MMS19: variants seen among roughly 807,000 people sequenced by gnomAD.
MMS19 encodes the protein MMS19 cytosolic iron-sulfur assembly component, also known as MMS19 nucleotide excision repair protein homolog.
MMS19 carries 77 observed loss-of-function variants against 129.8 expected under a neutral mutation model. The ratio of observed to expected loss-of-function variants is 0.59; its 90% CI spans 0.49 to 0.72. MMS19 has a LOEUF of 0.72. Among genes scored for constraint, MMS19 ranks in the 30% least tolerant of loss-of-function variants. The pLI is 0.00. For synonymous variants in MMS19, 491 were observed against 502.8 expected (o/e 0.98, Z 0.31); for missense variants, 1,168 against 1,266.3 (o/e 0.92, Z 1.18).
rs2031146220 is a variant in MMS19 at position 97,459,695 on chromosome 10, C to G, written c.2703G>C (p.Arg901Ser). Reference protein sequence around the residue: ...YLKGLSHVLNRLPKPVLLPEL... With the variant: ...YLKGLSHVLNSLPKPVLLPEL... Reference sequence around the variant, plus strand: ...CTGGCAAGAGTACAGGCTTGGGCAGCCTGTTAAGTACATGAGAAAGACCCT... The same window carrying G: ...CTGGCAAGAGTACAGGCTTGGGCAGGCTGTTAAGTACATGAGAAAGACCCT... Residue 901 changes from arginine (R) to serine (S), a missense_variant, in exon 27 of 31, where the codon AGG becomes AGC. Arg to Ser is a moderately radical substitution (Grantham distance 110). Around this residue, in one of 3 missense-constraint regions of MMS19, gnomAD observed 831 missense variants for 910.8 expected, o/e 0.91. Transcript: ENST00000438925. 3.7e-6 allele frequency: 6 copies of G among 1,612,554 alleles called. No homozygotes were observed. The highest frequency in any genetic ancestry group is 5.1e-6 in the Non-Finnish European group (6 of 1,179,314).
In MMS19 at chr10:97,458,854, A is replaced by G; in HGVS notation, c.3011T>C (p.Leu1004Pro). The part of the protein sequence containing the change: ...PQVIRALAKP[L>P]DDKKRLVRKE... The stretch of plus-strand genomic sequence containing the variant: ...GCGCACCAGTCTCTTCTTGTCATCC[A>G]GGGGTTTGGCTAAGGCCCGAATCAC... The change falls in exon 30 of 31, where the codon CTG becomes CCG. Residue 1004 changes from leucine (L) to proline (P), a missense_variant. By Grantham distance (98) the Leu-to-Pro change is moderately conservative. Coordinates refer to ENST00000438925, the MANE Select transcript of MMS19 (RefSeq NM_022362.5). The G allele has an allele frequency of 6.2e-7, 1 of 1,613,954 alleles. No homozygotes were observed. Among genetic ancestry groups the G allele is most frequent in the Non-Finnish European group, 8.5e-7 (1 of 1,179,874 alleles).
intron 1 of MMS19, among the ~76,000 whole-genome samples, chr10:97,489,179 A>C (rs965171324): frequency 6.6e-6 from 1 of 152,210 alleles, no homozygotes; most frequent in Non-Finnish European, 1.5e-5. Flanking sequence ...GAAAGACTGA[A>C]GCTACATATA....
intron 1 of MMS19, among the ~76,000 whole-genome samples, chr10:97,486,891 A>ATATATATG (rs1554852518): frequency 1.5e-5 from 2 of 132,340 alleles, no homozygotes; most frequent in Non-Finnish European, 3.3e-5. Flanking sequence ...ATATATATAT[A>ATATATATG]TATAAAATTA....
chr10:97,477,131 A>C, intron 6 of MMS19, 168 bp from the exon 7 acceptor site: 2 of 1,488,922 alleles, frequency 1.3e-6, no homozygotes, highest in Non-Finnish European at 1.8e-6. Context: ...AACAATATAC[A>C]CATTGCTGTG....
chr10:97,488,328 C>T (rs1199499936), intron 1 of MMS19, among the ~76,000 whole-genome samples: 1 of 152,120 alleles, frequency 6.6e-6, no homozygotes, highest in Non-Finnish European at 1.5e-5. Context: ...CATTCTTAAA[C>T]ATTGTAGGTA....
In MMS19 at chr10:97,468,957, C is replaced by T; in HGVS notation, c.1063+9G>A. On this transcript the variant is annotated intron_variant, in intron 12 of 30. Transcript: ENST00000438925. ...TCACTCCCCTTCCTGGCTGCCACGG[C>T]CCCATTACCCTGTAGAATGTTGCTA... The T allele has an allele frequency of 8.8e-6, 14 of 1,583,068 alleles. No individual in the cohort carries two copies. The highest frequency in any genetic ancestry group is 1.1e-5 in the Non-Finnish European group (13 of 1,164,434).
Position 97,460,102 on chromosome 10 carries a change from C to T in MMS19, c.2600G>A (p.Arg867Gln), listed in dbSNP as rs574081275. 43 of 1,614,006 alleles carry T rather than the reference C, an allele frequency of 2.7e-5. No homozygotes were observed. Among genetic ancestry groups the T allele is most frequent in the Non-Finnish European group, 3.5e-5 (41 of 1,179,900 alleles). ...HAEVRIMFRQRFFTDNVPALV... is the reference protein window; with the variant it reads ...HAEVRIMFRQQFFTDNVPALV... Reference sequence around the variant, plus strand: ...AGCAGGCACATTATCTGTGAAGAACCGCTGGCGGAACATGATCCGCACTTC... The same window carrying T: ...AGCAGGCACATTATCTGTGAAGAACTGCTGGCGGAACATGATCCGCACTTC... Residue 867 changes from arginine (R) to glutamine (Q), a missense_variant, in exon 26 of 31, where the codon CGG becomes CAG. Coordinates refer to ENST00000438925, the MANE Select transcript of MMS19 (RefSeq NM_022362.5).
At chr10:97,498,201 C>T in intron 1 of MMS19, 72 bp downstream of exon 1, 1 of 1,398,094 alleles carries the variant, frequency 7.2e-7, no homozygotes, top group South Asian at 1.3e-5. Context: ...CCCTTCCCGC[C>T]CGGCGCCTGT....
chr10:97,461,240 ACACTAGCCCCACTGTAGGGAGTAGGACGG>A, intron 23 of MMS19: 1 of 606,848 alleles, frequency 1.6e-6, no homozygotes, highest in Non-Finnish European at 2.9e-6. Flanking sequence ...AGAATTATCC[ACACTAGCCCCACTGTAGGGAGTAGGACGG>A]CAGAACTAGA....
intron 3 of MMS19, among the ~76,000 whole-genome samples, chr10:97,479,426 C>A (rs2036358509): frequency 6.6e-6 from 1 of 152,184 alleles, no homozygotes; most frequent in South Asian, 2.1e-4. Context: ...CCATTCGACG[C>A]CCCTTTTCAG....
intron 8 of MMS19, among the ~76,000 whole-genome samples, chr10:97,471,993 C>T (rs975916314): frequency 6.6e-6 from 1 of 152,114 alleles, no homozygotes; most frequent in African/African-American, 2.4e-5. Context: ...AAGAAATCAT[C>T]AATTAAAGAA....
intron 19 of MMS19, 36 bp downstream of exon 19, chr10:97,463,822 G>C: frequency 6.3e-7 from 1 of 1,593,524 alleles, no homozygotes; most frequent in Non-Finnish European, 8.6e-7. Flanking sequence ...AGAGGGCAAA[G>C]TTCCCAAAGG....
At chr10:97,472,186 T>C (rs1460175158) in intron 8 of MMS19, among the ~76,000 whole-genome samples, 1 of 152,192 alleles carries the variant, frequency 6.6e-6, no homozygotes, top group Non-Finnish European at 1.5e-5. Context: ...TACAAAAGTT[T>C]ATGAAACAGA....
intron 8 of MMS19, among the ~76,000 whole-genome samples, chr10:97,474,380 T>TA (rs1184962846): frequency 2.6e-5 from 4 of 151,348 alleles, no homozygotes; most frequent in Non-Finnish European, 4.4e-5. Context: ...CCATCTCTAC[T>TA]AAAAAATATA....
rs149505831 is a variant in MMS19, at chr10:97,481,014, T to C, written c.190A>G (p.Thr64Ala). 1.9e-6 allele frequency: 3 copies of C among 1,607,742 alleles called. No individual in the cohort carries two copies. The highest frequency in any genetic ancestry group is 2.2e-5 in the East Asian group (1 of 44,806). ...GSSLENPEPR[T>A]RARAIQLLSQ... ...AAAAGCTGGATTGCTCGTGCCCGAG[T>C]TCGGGGTTCTGGATTCTCTAGAGAG... Residue 64 changes from threonine to alanine, a missense_variant, in exon 3 of 31, where the codon ACT becomes GCT. Transcript: ENST00000438925.
chr10:97,489,271 AG>A (rs1402235370), intron 1 of MMS19, among the ~76,000 whole-genome samples: 1 of 152,156 alleles, frequency 6.6e-6, no homozygotes, highest in African/African-American at 2.4e-5. Flanking sequence ...TTTTAAAGGG[AG>A]GGGGGATTGT....
chr10:97,486,862 C>CACATATATAT (rs1491353044), intron 1 of MMS19, among the ~76,000 whole-genome samples: 2 of 85,078 alleles, frequency 2.4e-5, no homozygotes, highest in African/African-American at 8.2e-5. Context: ...ATTAAAGTGC[C>CACATATATAT]ATATATATAT....
intron 1 of MMS19, among the ~76,000 whole-genome samples, chr10:97,486,487 CTGCCACT>C (rs1439522615): frequency 2.0e-5 from 3 of 152,120 alleles, no homozygotes; most frequent in Admixed American, 6.6e-5. Context: ...GGCCAAAATC[CTGCCACT>C]TGGGACAACA....
intron 1 of MMS19, among the ~76,000 whole-genome samples, chr10:97,487,919 C>G (rs1355433446): frequency 6.7e-6 from 1 of 150,306 alleles, no homozygotes; most frequent in African/African-American, 2.4e-5. Context: ...GAGTTTGAGA[C>G]CAGCCTAGCC....
Sources: allele counts gnomAD v4.1 joint callset (sites outside exome capture counted in the v4.1 genomes callset), GRCh38; gene constraint gnomAD v4.1.1; regional missense constraint gnomAD v4.1.1; transcripts MANE v1.5; gene names NCBI Gene and HGNC (gene_info 2026-07-23, HGNC 2026-07-21).